ABCC10: variants seen among roughly 807,000 people sequenced by gnomAD.
ABCC10 encodes ATP binding cassette subfamily C member 10, also known as ATP-binding cassette sub-family C member 10.
Under a neutral mutation model 143.2 loss-of-function variants are expected in ABCC10, and 110 were observed. The ratio of observed to expected loss-of-function variants is 0.77; its 90% CI spans 0.66 to 0.90. The LOEUF (loss-of-function observed/expected upper bound fraction) is 0.90, where lower values mean the gene tolerates loss of function less well. ABCC10 is among the 40% of genes least tolerant of loss of function. The pLI, the probability that ABCC10 is intolerant of heterozygous loss-of-function variation, is 0.00. For missense variants in ABCC10, 1,700 were observed against 1,900.5 expected (o/e 0.89, Z 1.96); for synonymous variants, 805 against 846.7 (o/e 0.95, Z 0.85).
At chr6:43,434,983 G>A in intron 4 of ABCC10, 135 bp downstream of exon 4, 1 of 920,350 alleles carries the variant, frequency 1.1e-6, no homozygotes, top group South Asian at 1.7e-5. Flanking sequence ...AGGGAAAACT[G>A]AAGAAACCTT....
chr6:43,450,887 T>A, downstream of ABCC10: 1 of 1,614,156 alleles, frequency 6.2e-7, no homozygotes, highest in Non-Finnish European at 8.5e-7. The surrounding 1 kb of genome is among the most constrained non-coding windows in gnomAD (Gnocchi z 4.5). Flanking sequence ...CCACTACAGC[T>A]GAGGTGGGCC....
chr6:43,429,927 G>A (rs1037545933), intron 2 of ABCC10, among the ~76,000 whole-genome samples: 7 of 152,124 alleles, frequency 4.6e-5, no homozygotes, highest in Non-Finnish European at 7.3e-5. Flanking sequence ...ACGACAAAGC[G>A]AGACTCTGTC....
intron 2 of ABCC10, chr6:43,431,727 A>G: frequency 1.3e-6 from 1 of 790,982 alleles, no homozygotes; most frequent in Non-Finnish European, 1.6e-6. Context: ...ACATGGATAT[A>G]TTATGTGATG....
At position 43,444,322 on chromosome 6, in the gene ABCC10, A is replaced by T; in HGVS notation, c.2658A>T (p.Leu886Phe). The change falls in exon 12 of 22, where the codon TTA (leucine) becomes TTT (phenylalanine). Residue 886 changes from leucine to phenylalanine, a missense_variant. Transcript: ENST00000372530. ...YWKAVGQGLA[L>F]AILFSLLLMQ... ...AGGCCGTGGGCCAGGGCTTGGCCTT[A>T]GCCATCCTCTTCTCTCTGCTTCTCA... is the stretch of plus-strand genomic sequence containing the variant. 4 of 1,611,382 alleles carry T rather than the reference A, an allele frequency of 2.5e-6. No individual in the cohort carries two copies. Among genetic ancestry groups the T allele is most frequent in the Non-Finnish European group, 3.4e-6 (4 of 1,178,932 alleles).
Position 43,443,680 on chromosome 6 carries a change from C to T in ABCC10, c.2417-253C>T, listed in dbSNP as rs983240510. On this transcript the variant is annotated intron_variant, in intron 10 of 21. Transcript: ENST00000372530. This position sits in a 1 kb window ranked among gnomAD's most constrained non-coding sequence, Gnocchi z 4.2. The stretch of plus-strand genomic sequence containing the variant: ...GGCGGTCCTCTTGGGGATGGACATT[C>T]GTCCCTCTCTGCTGGTCGGAATCAA... The T allele has an allele frequency of 7.3e-5, 34 of 467,650 alleles. No individual in the cohort carries two copies. Among genetic ancestry groups the T allele is most frequent in the African/African-American group, 5.2e-4 (27 of 51,628 alleles). The allele number at this position is 467,650 out of a possible 1,614,324, so 29.0% of individuals were successfully genotyped here. A position where few individuals can be genotyped will look rare whatever the true frequency, so the allele number is the denominator to read the frequency against.
chr6:43,438,938 T>A (rs931590618), intron 8 of ABCC10, 143 bp downstream of exon 8: 9 of 996,122 alleles, frequency 9.0e-6, no homozygotes, highest in Non-Finnish European at 1.3e-5. Flanking sequence ...ACTGTGGTCC[T>A]CCCAGAGTGT....
Position 43,434,716 on chromosome 6 carries a change from G to A in ABCC10, c.1476G>A (p.Glu492=). Residue 492 remains glutamate, a synonymous_variant, in exon 4 of 22, where the codon GAG becomes GAA. Transcript: ENST00000372530. ...GARVEACRAR[E]LGRLRVIKYL... is the part of the protein sequence containing the mutation. ...GAGTAGAGGCCTGCCGGGCTCGAGA[G>A]CTGGGGCGACTCCGGGTCATCAAAT... 2 of 1,614,214 alleles carry A rather than the reference G, an allele frequency of 1.2e-6. No homozygotes were observed. The highest frequency in any genetic ancestry group is 1.7e-6 in the Non-Finnish European group (2 of 1,180,032).
chr6:43,434,923 T>A, intron 4 of ABCC10, 75 bp downstream of exon 4: 1 of 1,482,366 alleles, frequency 6.7e-7, no homozygotes, highest in Non-Finnish European at 9.3e-7. Context: ...GGGCCCTCAG[T>A]GCTGGCTGAG....
Position 43,434,801 on chromosome 6 carries a change from A to G in ABCC10, c.1561A>G (p.Ile521Val), listed in dbSNP as rs774652976. The change falls in exon 4 of 22, where the codon ATC (isoleucine) becomes GTC (valine). Residue 521 changes from isoleucine (I) to valine (V), a missense_variant. Transcript: ENST00000372530. ...AALPVVISIV[I>V]FITYVLMGHQ... The stretch of plus-strand genomic sequence containing the variant: ...CCTACCGGTTGTCATCTCCATCGTT[A>G]TCTTCATCACCTATGTCCTCATGGG... 1 of 1,614,148 alleles carries G rather than the reference A, an allele frequency of 6.2e-7. No individual in the cohort carries two copies. The highest frequency in any genetic ancestry group is 8.5e-7 in the Non-Finnish European group (1 of 1,180,022).
In ABCC10 at chr6:43,447,507, TC is replaced by T. The variant is rs1184730443; in HGVS notation, c.3705+102del. The T allele has an allele frequency of 2.6e-6, 4 of 1,551,366 alleles. No individual in the cohort carries two copies. The African/African-American group carries it at 5.5e-5, about 21-fold the overall frequency. On this transcript the variant is annotated intron_variant, in intron 17 of 21. Transcript: ENST00000372530. ...TTTTTGCCCACCCATCTTTCTCAGC[TC>T]CCATAACCTCTCTTCATGATGACCA...
chr6:43,444,065 C>T (rs1782759255), intron 11 of ABCC10, 55 bp downstream of exon 11: 19 of 1,606,802 alleles, frequency 1.2e-5, no homozygotes, highest in Non-Finnish European at 1.6e-5. Context: ...CACTGTAGAG[C>T]TTTTTCTACA....
downstream of ABCC10, chr6:43,451,791 A>G: frequency 7.1e-7 from 1 of 1,418,022 alleles, no homozygotes; most frequent in Non-Finnish European, 9.2e-7. The surrounding 1 kb of genome is among the most constrained non-coding windows in gnomAD (Gnocchi z 4.4). Context: ...CTGAACTAGG[A>G]ACACTTTGGC....
In ABCC10 at chr6:43,445,251, T is replaced by G; in HGVS notation, c.2967T>G (p.Phe989Leu). The part of the protein sequence containing the change: ...SLCTLLRAVL[F>L]AAGTLQAAAT... Reference sequence around the variant, plus strand: ...GCACCCTTCTCCGGGCAGTGCTCTTTGCAGCAGGCACCCTTCAAGCAGCTG... The same window carrying G: ...GCACCCTTCTCCGGGCAGTGCTCTTGGCAGCAGGCACCCTTCAAGCAGCTG... Residue 989 changes from phenylalanine to leucine, a missense_variant, in exon 14 of 22, where the codon TTT becomes TTG. Transcript: ENST00000372530. 6.2e-7 allele frequency: 1 copy of G among 1,614,066 alleles called. No individual in the cohort carries two copies. The highest frequency in any genetic ancestry group is 8.5e-7 in the Non-Finnish European group (1 of 1,179,992).
intron 2 of ABCC10, among the ~76,000 whole-genome samples, chr6:43,429,192 T>C (rs1180257176): frequency 6.6e-5 from 10 of 152,056 alleles, no homozygotes; most frequent in Admixed American, 6.5e-4. Flanking sequence ...ACCATACTGG[T>C]GAGGAAAGTG....
At chr6:43,449,070 T>C (rs769539997) in intron 19 of ABCC10, 37 bp from the exon 20 acceptor site, 1 of 1,613,720 alleles carries the variant, frequency 6.2e-7, no homozygotes, top group South Asian at 1.1e-5. Flanking sequence ...GGAGCAGGGA[T>C]GGCCTGGGCC....
chr6:43,436,318 A>G, intron 6 of ABCC10, 71 bp downstream of exon 6: 1 of 1,550,022 alleles, frequency 6.5e-7, no homozygotes, highest in African/African-American at 1.4e-5. Flanking sequence ...TCAGAGAAGC[A>G]GTGACCGAGC....
rs937713643 is a variant in ABCC10, at chr6:43,442,960, G to A, written c.2227-10G>A. 1.1e-5 allele frequency: 17 copies of A among 1,567,068 alleles called. No homozygotes were observed. Among genetic ancestry groups the A allele is most frequent in the African/African-American group, 8.1e-5 (6 of 73,660 alleles). On this transcript the variant is annotated splice_polypyrimidine_tract_variant and intron_variant, in intron 9 of 21. Transcript: ENST00000372530. Reference sequence around the variant, plus strand: ...GTCCTGGTGCCCACGGTACCCTCACGTCTCCATAGGAAAAGGAGCTCTATC... The same window carrying A: ...GTCCTGGTGCCCACGGTACCCTCACATCTCCATAGGAAAAGGAGCTCTATC...
At chr6:43,429,372 TTGTGTGTGTGTGTG>T (rs1201780354) in intron 2 of ABCC10, among the ~76,000 whole-genome samples, 12 of 98,244 alleles carry the variant, frequency 1.2e-4, no homozygotes, top group Admixed American at 5.8e-4. Context: ...CTTTTCTTTC[TTGTGTGTGTGTGTG>T]TGTGTGTGTG....
chr6:43,438,658 A>G lies in ABCC10; in HGVS notation c.1990A>G (p.Lys664Glu). ...RGHVAVRGLS[K>E]GFGLATQEPW... ...GCATGTGGCAGTGCGGGGGCTGTCC[A>G]AGGGCTTTGGCCTGGCCACCCAGGA... Residue 664 changes from lysine (K) to glutamate (E), a missense_variant, in exon 8 of 22, where the codon AAG (lysine) becomes GAG (glutamate). Lys to Glu is a moderately conservative substitution (Grantham distance 56). Coordinates refer to ENST00000372530, the MANE Select transcript of ABCC10 (RefSeq NM_001198934.2). 1.9e-6 allele frequency: 3 copies of G among 1,614,182 alleles called. No homozygotes were observed. Among genetic ancestry groups the G allele is most frequent in the Non-Finnish European group, 2.5e-6 (3 of 1,180,030 alleles).
Sources: gnomAD v4.1 joint callset for allele counts (sites outside exome capture counted in the v4.1 genomes callset) on GRCh38, gnomAD v4.1.1 for gene constraint, Gnocchi (gnomAD v3.1) non-coding constraint, MANE v1.5 for transcripts, NCBI Gene and HGNC (gene_info 2026-07-23, HGNC 2026-07-21) for gene names.